The following ATP8A2 variants were observed in gnomAD, a reference collection of about 807,000 sequenced individuals.
The protein encoded by ATP8A2 is ATPase phospholipid transporting 8A2.
Under a neutral mutation model 165.6 loss-of-function variants are expected in ATP8A2, and 100 were observed. The ratio of observed to expected loss-of-function variants is 0.60; its 90% CI spans 0.51 to 0.71. ATP8A2 has a LOEUF of 0.71. ATP8A2 is among the 30% of genes least tolerant of loss of function. The pLI is 0.00. For synonymous variants in ATP8A2, 543 were observed against 548.8 expected (o/e 0.99, Z 0.15); for missense variants, 1,227 against 1,479.5 (o/e 0.83, Z 2.80).
intron 24 of ATP8A2, among the ~76,000 whole-genome samples, chr13:25,630,433 T>C (rs543695434): frequency 6.6e-6 from 1 of 152,328 alleles, no homozygotes; most frequent in Non-Finnish European, 1.5e-5. Context: ...CATTTATTTG[T>C]TGTGACACTA....
At chr13:25,501,852 T>C (rs2036861682) in intron 2 of ATP8A2, among the ~76,000 whole-genome samples, 1 of 152,164 alleles carries the variant, frequency 6.6e-6, no homozygotes, top group African/African-American at 2.4e-5. Context: ...AGTCCAGATT[T>C]TCCAGAAAGG....
At chr13:25,555,142 T>C in intron 13 of ATP8A2, 74 bp downstream of exon 13, 1 of 1,178,590 alleles carries the variant, frequency 8.5e-7, no homozygotes, top group Non-Finnish European at 1.3e-6. Context: ...AGAAGAACCA[T>C]GGAAAGATTT....
chr13:25,837,609 C>T (rs1951650478), intron 29 of ATP8A2, among the ~76,000 whole-genome samples: 1 of 152,154 alleles, frequency 6.6e-6, no homozygotes, highest in Non-Finnish European at 1.5e-5. Flanking sequence ...CAGCAGTTCC[C>T]ACAGCCCAGG....
At chr13:25,484,170 T>A (rs2036286285) in intron 2 of ATP8A2, among the ~76,000 whole-genome samples, 1 of 152,214 alleles carries the variant, frequency 6.6e-6, no homozygotes, top group Non-Finnish European at 1.5e-5. Flanking sequence ...CTCCTTTTGG[T>A]GTCGTGAAAG....
At chr13:25,943,317 T>C (rs112946065) in intron 33 of ATP8A2, among the ~76,000 whole-genome samples, 1,835 of 152,346 alleles carry the variant, frequency 0.012, 37 homozygotes, top group African/African-American at 0.041. Flanking sequence ...ATTCTAGTCA[T>C]GCACGATGTA....
At chr13:25,669,480 G>A (rs2042220445) in intron 24 of ATP8A2, among the ~76,000 whole-genome samples, 1 of 152,228 alleles carries the variant, frequency 6.6e-6, no homozygotes, top group South Asian at 2.1e-4. Context: ...CCATGACTCT[G>A]CCTTAGCCTT....
At chr13:25,663,149 G>A (rs993574331) in intron 24 of ATP8A2, among the ~76,000 whole-genome samples, 2 of 152,198 alleles carry the variant, frequency 1.3e-5, no homozygotes, top group Non-Finnish European at 1.5e-5. Context: ...GATCACATAC[G>A]TGGGACATGG....
rs141719989 is a variant in ATP8A2, at chr13:25,618,369, G to C, written c.2211+28670G>C. Among the ~76,000 whole-genome samples the C allele has an allele frequency of 3.0e-3, 464 of 152,202 alleles. 4 individuals carry two copies. Among genetic ancestry groups the C allele is most frequent in the African/African-American group, 0.01 (430 of 41,512 alleles). ...ACATGGAAATGACATTGATACAGCTGGTTGTTCATGCCGGGTGTTGTCACT... is the reference window on the plus strand; with the variant it reads ...ACATGGAAATGACATTGATACAGCTCGTTGTTCATGCCGGGTGTTGTCACT... On this transcript the variant is annotated intron_variant, in intron 24 of 36. Transcript: ENST00000381655.
In ATP8A2 at chr13:26,022,795, A is replaced by C. The variant is rs1273189853; in HGVS notation, c.*2810A>C. The C allele has an allele frequency of 6.6e-6, 1 of 152,384 alleles. No individual in the cohort carries two copies. The highest frequency in any genetic ancestry group is 1.9e-4 in the East Asian group (1 of 5,172). 9.4% of individuals were successfully genotyped at this position (152,384 alleles called of 1,614,324 possible). A position where few individuals can be genotyped will look rare whatever the true frequency, so the allele number is the denominator to read the frequency against. On this transcript the variant is annotated 3_prime_UTR_variant, in exon 37 of 37. Transcript: ENST00000381655. ...GCTGTCAGCTCAGCAAAAATGCCAC[A>C]TGGGGCTTGTCACTCCGCCAGACAC...
At chr13:25,513,192 C>T (rs1041995037) in intron 2 of ATP8A2, among the ~76,000 whole-genome samples, 2 of 151,982 alleles carry the variant, frequency 1.3e-5, no homozygotes, top group East Asian at 3.9e-4. Flanking sequence ...AGGCTCCTCA[C>T]TTCTCAGACG....
chr13:25,955,839 C>G (rs1176426920), intron 33 of ATP8A2, among the ~76,000 whole-genome samples: 1 of 152,158 alleles, frequency 6.6e-6, no homozygotes, highest in Admixed American at 6.5e-5. Flanking sequence ...AAATTTCAGG[C>G]CAATATCCCT....
At chr13:25,758,275 G>A (rs1593301929) in intron 25 of ATP8A2, among the ~76,000 whole-genome samples, 1 of 152,164 alleles carries the variant, frequency 6.6e-6, no homozygotes, top group Non-Finnish European at 1.5e-5. Context: ...AAAGAAAAAA[G>A]AGCTGTGTTT....
chr13:26,020,167 G>A lies in ATP8A2; in HGVS notation c.*182G>A. Reference sequence around the variant, plus strand: ...TCGCAAACCTGGAGTGCAGACCACAGGGGAAGCTATCTTTGCCCTCCCAAC... The same window carrying A: ...TCGCAAACCTGGAGTGCAGACCACAAGGGAAGCTATCTTTGCCCTCCCAAC... On this transcript the variant is annotated 3_prime_UTR_variant, in exon 37 of 37. Transcript: ENST00000381655. 1.7e-6 allele frequency: 1 copy of A among 599,208 alleles called. No homozygotes were observed. The highest frequency in any genetic ancestry group is 3.0e-6 in the Non-Finnish European group (1 of 337,834). 37.1% of individuals were successfully genotyped at this position (599,208 alleles called of 1,614,324 possible).
At position 25,575,304 on chromosome 13, in the gene ATP8A2, G is replaced by T. The variant is rs2039586118; in HGVS notation, c.1712+447G>T. ...ATCAGTTCATCCCATTAGAGGCTGG[G>T]TCCACGTAGGGAAGTTTTCCTGGAC... On this transcript the variant is annotated intron_variant, in intron 19 of 36. Transcript: ENST00000381655. Among the ~76,000 whole-genome samples, 4 of 152,216 alleles carry T rather than the reference G, an allele frequency of 2.6e-5. No individual in the cohort carries two copies. The South Asian group carries it at 8.3e-4, about 32-fold the overall frequency.
At chr13:25,977,449 G>A (rs922019767) in intron 35 of ATP8A2, among the ~76,000 whole-genome samples, 2 of 152,172 alleles carry the variant, frequency 1.3e-5, no homozygotes, top group Admixed American at 6.5e-5. Flanking sequence ...AAGGCTGCCC[G>A]CATGACCCAG....
chr13:26,007,738 T>C (rs1956771359), intron 35 of ATP8A2, among the ~76,000 whole-genome samples: 1 of 152,072 alleles, frequency 6.6e-6, no homozygotes, highest in South Asian at 2.1e-4. Flanking sequence ...CCAGCAGGGT[T>C]AGAGGAGGTG....
chr13:25,581,772 T>G (rs1235014004), intron 22 of ATP8A2, 47 bp from the exon 23 acceptor site: 2 of 1,576,928 alleles, frequency 1.3e-6, no homozygotes, highest in Non-Finnish European at 1.7e-6. Flanking sequence ...TTAGTGCTGT[T>G]CTTAAGTATG....
chr13:25,774,643 A>G (rs1566125312), intron 26 of ATP8A2, among the ~76,000 whole-genome samples: 2 of 152,212 alleles, frequency 1.3e-5, no homozygotes, highest in Admixed American at 1.3e-4. Flanking sequence ...TTTAGGGAAA[A>G]TAATAATAAT....
intron 27 of ATP8A2, among the ~76,000 whole-genome samples, chr13:25,786,184 T>C (rs1194004134): frequency 6.6e-6 from 1 of 152,208 alleles, no homozygotes; most frequent in Non-Finnish European, 1.5e-5. Flanking sequence ...TTCTGGTAAA[T>C]GTCTGTACTT....
Sources: gnomAD v4.1 joint callset for allele counts (sites outside exome capture counted in the v4.1 genomes callset) on GRCh38, gnomAD v4.1.1 for gene constraint, MANE v1.5 for transcripts, NCBI Gene and HGNC (gene_info 2026-07-23, HGNC 2026-07-21) for gene names.